Variants in FNDC3B observed in about 807,000 individuals in gnomAD.
FNDC3B encodes the protein fibronectin type III domain containing 3B.
Under a neutral mutation model 151.5 loss-of-function variants are expected in FNDC3B, and 12 were observed. That is an observed-to-expected ratio of 0.08 (90% CI 0.05 to 0.13). The LOEUF is 0.13. Ranked by LOEUF, FNDC3B falls within the 10% of genes least tolerant of loss-of-function variation. FNDC3B has a pLI of 1.00. For synonymous variants in FNDC3B, 528 were observed against 549.0 expected (o/e 0.96, Z 0.54); for missense variants, 1,214 against 1,505.3 (o/e 0.81, Z 3.20).
intron 11 of FNDC3B, among the ~76,000 whole-genome samples, chr3:172,319,914 A>G (rs1218530652): frequency 3.3e-5 from 5 of 152,166 alleles, no homozygotes; most frequent in Non-Finnish European, 5.9e-5. Flanking sequence ...AGGTTGAACT[A>G]TACTATTAAC....
chr3:172,060,683 G>T (rs763786536), intron 1 of FNDC3B, among the ~76,000 whole-genome samples: 1 of 152,128 alleles, frequency 6.6e-6, no homozygotes, highest in Non-Finnish European at 1.5e-5. Flanking sequence ...GGCAGAGACC[G>T]ACACTTTCCT....
At chr3:172,382,925 T>G (rs1449632928) in intron 25 of FNDC3B, among the ~76,000 whole-genome samples, 1 of 152,192 alleles carries the variant, frequency 6.6e-6, no homozygotes, top group Non-Finnish European at 1.5e-5. Flanking sequence ...TTGTTCTTTT[T>G]GCTTAGGATT....
At chr3:172,185,117 A>G (rs1486705548) in intron 3 of FNDC3B, among the ~76,000 whole-genome samples, 1 of 152,244 alleles carries the variant, frequency 6.6e-6, no homozygotes, top group Non-Finnish European at 1.5e-5. Context: ...GACTGTTGTC[A>G]TGAACATTGG....
intron 1 of FNDC3B, among the ~76,000 whole-genome samples, chr3:172,069,626 T>A (rs1317847424): frequency 6.6e-6 from 1 of 152,202 alleles, no homozygotes; most frequent in Non-Finnish European, 1.5e-5. Flanking sequence ...TGTGCTGACT[T>A]TTCATAGCTA....
At chr3:172,333,049 T>C (rs1732758627) in intron 13 of FNDC3B, 40 bp from the exon 14 acceptor site, 2 of 1,348,368 alleles carry the variant, frequency 1.5e-6, no homozygotes, top group Admixed American at 1.7e-5. Flanking sequence ...ATGCCCAGAA[T>C]TTTTTATACT....
intron 3 of FNDC3B, among the ~76,000 whole-genome samples, chr3:172,189,935 T>TTAC: frequency 6.6e-6 from 1 of 152,260 alleles, no homozygotes; most frequent in East Asian, 1.9e-4. Context: ...CAACTACCAT[T>TTAC]TACTAGTGGC....
chr3:172,384,737 T>C (rs1395012405), intron 25 of FNDC3B, among the ~76,000 whole-genome samples: 2 of 152,242 alleles, frequency 1.3e-5, no homozygotes, highest in Non-Finnish European at 2.9e-5. Flanking sequence ...TATAGGTGAA[T>C]CTATTCAGTA....
chr3:172,281,339 G>C (rs1278251775), intron 6 of FNDC3B, among the ~76,000 whole-genome samples: 1 of 151,866 alleles, frequency 6.6e-6, no homozygotes, highest in South Asian at 2.1e-4. Flanking sequence ...TCCACATCCC[G>C]GGTTCAAGCG....
chr3:172,257,063 A>G (rs1728385042), intron 6 of FNDC3B, among the ~76,000 whole-genome samples: 1 of 151,846 alleles, frequency 6.6e-6, no homozygotes, highest in South Asian at 2.1e-4. Context: ...GGCACCTGCC[A>G]CCATGCCTGG....
chr3:172,229,075 A>C (rs1726741660), intron 4 of FNDC3B, among the ~76,000 whole-genome samples: 1 of 136,426 alleles, frequency 7.3e-6, no homozygotes, highest in South Asian at 2.4e-4. Context: ...GCAGTTGTAG[A>C]AAGAAAGAAA....
chr3:172,212,056 A>T (rs773793405), intron 3 of FNDC3B, among the ~76,000 whole-genome samples: 6 of 152,238 alleles, frequency 3.9e-5, no homozygotes, highest in South Asian at 2.1e-4. Flanking sequence ...GATTCTTCAT[A>T]GAGTGCTTAT....
chr3:172,229,245 A>G (rs1380628280), intron 4 of FNDC3B, among the ~76,000 whole-genome samples: 1 of 152,164 alleles, frequency 6.6e-6, no homozygotes, highest in South Asian at 2.1e-4. Flanking sequence ...TAAAGTAGAC[A>G]TTACTTTCTT....
At chr3:172,371,939 G>A (rs1734902037) in intron 23 of FNDC3B, among the ~76,000 whole-genome samples, 1 of 152,170 alleles carries the variant, frequency 6.6e-6, no homozygotes, top group African/African-American at 2.4e-5. Context: ...TATTTACATA[G>A]TATTAAAAAC....
intron 23 of FNDC3B, among the ~76,000 whole-genome samples, chr3:172,369,960 A>C (rs1734807864): frequency 6.6e-6 from 1 of 152,078 alleles, no homozygotes; most frequent in African/African-American, 2.4e-5. Flanking sequence ...AGGGAAATTA[A>C]GAAAAAAAAA....
At chr3:172,044,434 G>A (rs1716263069) in intron 1 of FNDC3B, among the ~76,000 whole-genome samples, 1 of 152,006 alleles carries the variant, frequency 6.6e-6, no homozygotes, top group Admixed American at 6.6e-5. Flanking sequence ...GTACTGTCCT[G>A]GGATAATTGC....
chr3:172,265,516 A>G (rs901681631), intron 6 of FNDC3B, among the ~76,000 whole-genome samples: 1 of 152,224 alleles, frequency 6.6e-6, no homozygotes, highest in Non-Finnish European at 1.5e-5. Context: ...CAAGATGTTT[A>G]CTTGAAATGG....
intron 1 of FNDC3B, among the ~76,000 whole-genome samples, chr3:172,046,077 T>C (rs73037191): frequency 2.0e-5 from 3 of 152,204 alleles, no homozygotes; most frequent in African/African-American, 4.8e-5. Context: ...GGGGTGCCAG[T>C]TGAAGATCAG....
intron 4 of FNDC3B, among the ~76,000 whole-genome samples, chr3:172,234,312 G>C (rs1727030698): frequency 6.6e-6 from 1 of 152,164 alleles, no homozygotes; most frequent in Admixed American, 6.5e-5. Flanking sequence ...ACAAAGGCAG[G>C]GACCTTGTGT....
intron 1 of FNDC3B, among the ~76,000 whole-genome samples, chr3:172,056,495 T>C (rs1234520780): frequency 6.6e-6 from 1 of 152,226 alleles, no homozygotes; most frequent in Non-Finnish European, 1.5e-5. Flanking sequence ...TCACTTAACT[T>C]GGAGTTAATA....
Sources: allele counts gnomAD v4.1 joint callset (sites outside exome capture counted in the v4.1 genomes callset), GRCh38; gene constraint gnomAD v4.1.1; transcripts MANE v1.5; gene names NCBI Gene and HGNC (gene_info 2026-07-23, HGNC 2026-07-21).